OXTR: variants seen among roughly 807,000 people sequenced by gnomAD.
The protein encoded by OXTR is oxytocin receptor.
Under a neutral mutation model 23.9 loss-of-function variants are expected in OXTR, and 19 were observed. The observed-to-expected ratio is 0.80, with a 90% CI of 0.56 to 1.17. OXTR has a LOEUF of 1.17. Among genes scored for constraint, OXTR ranks in the 50% most tolerant of loss-of-function variants. The pLI is 0.00. For missense variants in OXTR, 500 were observed against 550.7 expected (o/e 0.91, Z 0.92); for synonymous variants, 278 against 250.5 (o/e 1.11, Z -1.04).
At chr3:8,742,200 C>A in the OXTR span, among the ~76,000 whole-genome samples, 1 of 152,110 alleles carries the variant, frequency 6.6e-6, no homozygotes, top group Non-Finnish European at 1.5e-5. Context: ...ATGCTCAAAT[C>A]TGAGCTAGGG....
chr3:8,753,372 G>A (rs927775186), intron 3 of OXTR, 148 bp from the exon 4 acceptor site: 1 of 976,112 alleles, frequency 1.0e-6, no homozygotes, highest in Non-Finnish European at 1.5e-6. Context: ...TACTAAAGAG[G>A]CAAAGTTTGT....
the OXTR span, among the ~76,000 whole-genome samples, chr3:8,744,366 C>A: frequency 1.3e-5 from 2 of 151,266 alleles, no homozygotes; most frequent in African/African-American, 4.9e-5. Context: ...GCAAGCCCCG[C>A]CTCCCGGGTT....
chr3:8,749,789 C>T (rs2124991003), downstream of OXTR, among the ~76,000 whole-genome samples: 1 of 152,362 alleles, frequency 6.6e-6, no homozygotes, highest in African/African-American at 2.4e-5. Context: ...CCTCTCTTCT[C>T]CCAGAACCTC....
At position 8,767,705 on chromosome 3, in the gene OXTR, C is replaced by T. The variant is rs757364243; in HGVS notation, c.483G>A (p.Trp161Ter). The T allele has an allele frequency of 1.9e-6, 3 of 1,609,416 alleles. No individual in the cohort carries two copies. Among genetic ancestry groups the T allele is most frequent in the Non-Finnish European group, 2.5e-6 (3 of 1,177,974 alleles). ...GCGCGCTGGCCACCAGGCAGCCGAG[C>T]CACGTGGCGAGCACTGCCAGGCGGT... ...RTDRLAVLAT[W>*]LGCLVASAPQ... is the part of the protein sequence containing the mutation. The change falls in exon 3 of 4, where the codon TGG becomes TGA. Residue 161 changes from tryptophan to a stop codon, truncating the protein, a stop_gained. Transcript: ENST00000316793. LOFTEE classifies it high-confidence loss of function.
Position 8,752,094 on chromosome 3 carries a change from C to G in OXTR, c.*883G>C, listed in dbSNP as rs567052738. 116 of 152,126 alleles carry G rather than the reference C, an allele frequency of 7.6e-4. 2 individuals are homozygous for G. Among genetic ancestry groups the G allele is most frequent in the African/African-American group, 2.8e-3 (115 of 41,510 alleles). The allele number at this position is 152,126 out of a possible 1,614,324, so 9.4% of individuals were successfully genotyped here. Reference sequence around the variant, plus strand: ...TTGTTAAGTTGATTCCTATTTTATTCTTTCTGATGGTATTATAAATGGAAT... The same window carrying G: ...TTGTTAAGTTGATTCCTATTTTATTGTTTCTGATGGTATTATAAATGGAAT... On this transcript the variant is annotated 3_prime_UTR_variant, in exon 4 of 4. Transcript: ENST00000316793.
At chr3:8,746,204 C>T (rs552778803), downstream of OXTR, 64 of 234,624 alleles carry the variant, frequency 2.7e-4, no homozygotes, top group African/African-American at 1.3e-3. Context: ...CCAACCTCTC[C>T]ACGCGCACTC....
At position 8,768,856 on chromosome 3, in the gene OXTR, G is replaced by C. The variant is rs1259436484; in HGVS notation, c.-238-265C>G. ...CCCGTCTAACCCCCTTTTCTAAGAC[G>C]GTCGGCCGTCACTCCCTGAACTTCC... is the stretch of plus-strand genomic sequence containing the variant. On this transcript the variant is annotated intron_variant, in intron 1 of 3. Coordinates refer to ENST00000316793, the MANE Select transcript of OXTR (RefSeq NM_000916.4). The surrounding 1 kb of genome is among the most constrained non-coding windows in gnomAD (Gnocchi z 5.4). Among the ~76,000 whole-genome samples, 2 of 152,242 alleles carry C rather than the reference G, an allele frequency of 1.3e-5. No individual in the cohort carries two copies. The highest frequency in any genetic ancestry group is 1.9e-4 in the East Asian group (1 of 5,158).
chr3:8,754,031 G>A (rs1410106204), intron 3 of OXTR, among the ~76,000 whole-genome samples: 2 of 152,176 alleles, frequency 1.3e-5, no homozygotes, highest in African/African-American at 4.8e-5. Flanking sequence ...GAAACTGTAT[G>A]ACATCTTCAT....
Position 8,750,573 on chromosome 3 carries a change from T to C in OXTR, c.*2404A>G, listed in dbSNP as rs915500024. 1.3e-5 allele frequency: 2 copies of C among 152,248 alleles called. No individual in the cohort carries two copies. Among genetic ancestry groups the C allele is most frequent in the Non-Finnish European group, 2.9e-5 (2 of 68,050 alleles). 9.4% of individuals were successfully genotyped at this position (152,248 alleles called of 1,614,324 possible). On this transcript the variant is annotated 3_prime_UTR_variant, in exon 4 of 4. Transcript: ENST00000316793. Reference sequence around the variant, plus strand: ...GCCTCCAGGCCCTGGCAAACGCTAATCTATATTCACTCTATATAGATTCGT... The same window carrying C: ...GCCTCCAGGCCCTGGCAAACGCTAACCTATATTCACTCTATATAGATTCGT...
Position 8,750,436 on chromosome 3 carries a change from T to C in OXTR, c.*2541A>G, listed in dbSNP as rs200242669. 7 of 152,368 alleles carry C rather than the reference T, an allele frequency of 4.6e-5. No individual in the cohort carries two copies. In the South Asian group the frequency reaches 1.5e-3, roughly 32 times the overall value. The allele number at this position is 152,368 out of a possible 1,614,324, so 9.4% of individuals were successfully genotyped here. ...GTTTATTTTTATTTTTTAAAGTTCA[T>C]TGGTTTTTAGTACATTCTCAAAATC... On this transcript the variant is annotated 3_prime_UTR_variant, in exon 4 of 4. Coordinates refer to ENST00000316793, the MANE Select transcript of OXTR (RefSeq NM_000916.4).
At chr3:8,765,787 C>A (rs1414086944) in intron 3 of OXTR, among the ~76,000 whole-genome samples, 1 of 152,200 alleles carries the variant, frequency 6.6e-6, no homozygotes, top group Non-Finnish European at 1.5e-5. Flanking sequence ...GGTGCAAGTG[C>A]CTTCCCCTCT....
At chr3:8,757,770 G>A (rs376544993) in intron 3 of OXTR, among the ~76,000 whole-genome samples, 9 of 152,302 alleles carry the variant, frequency 5.9e-5, no homozygotes, top group East Asian at 5.8e-4. Context: ...CCCGGACTCC[G>A]CGGGGGCCGC....
chr3:8,756,195 G>GA (rs369973257), intron 3 of OXTR, among the ~76,000 whole-genome samples: 1 of 152,108 alleles, frequency 6.6e-6, no homozygotes, highest in Non-Finnish European at 1.5e-5. Flanking sequence ...ACTTGGAACA[G>GA]AAAAAAGCAT....
intron 3 of OXTR, 107 bp downstream of exon 3, chr3:8,767,159 C>T (rs1708624725): frequency 1.7e-6 from 2 of 1,148,548 alleles, no homozygotes; most frequent in Non-Finnish European, 2.4e-6. Context: ...TTCAAACCCG[C>T]TTATCCCCCA....
At chr3:8,756,366 G>A (rs62243363) in intron 3 of OXTR, among the ~76,000 whole-genome samples, 1 of 152,156 alleles carries the variant, frequency 6.6e-6, no homozygotes, top group Admixed American at 6.5e-5. Context: ...GAGAAGGAGA[G>A]TCACTTCCCC....
chr3:8,767,798 C>T lies in OXTR; in HGVS notation c.390G>A (p.Leu130=). The change falls in exon 3 of 4, where the codon CTG becomes CTA. Residue 130 remains leucine, a synonymous_variant. Transcript: ENST00000316793. ...VVGMFASTYL[L]LLMSLDRCLA... ...GGCAGCGGTCCAGGGACATGAGCAG[C>T]AGCAGGTAGGTGGAGGCGAACATGC... 1 of 1,609,088 alleles carries T rather than the reference C, an allele frequency of 6.2e-7. No homozygotes were observed. The highest frequency in any genetic ancestry group is 8.5e-7 in the Non-Finnish European group (1 of 1,177,902).
chr3:8,764,873 C>T (rs1374257341), intron 3 of OXTR, among the ~76,000 whole-genome samples: 1 of 152,208 alleles, frequency 6.6e-6, no homozygotes, highest in African/African-American at 2.4e-5. Context: ...GTACCTGAGA[C>T]AGAATGCTGA....
At chr3:8,758,869 A>G (rs1427198284) in intron 3 of OXTR, among the ~76,000 whole-genome samples, 1 of 152,198 alleles carries the variant, frequency 6.6e-6, no homozygotes, top group Non-Finnish European at 1.5e-5. Context: ...CTACCCTTCA[A>G]GGAATGACAA....
chr3:8,767,461 C>T lies in OXTR; in HGVS notation c.727G>A (p.Ala243Thr). ...TCGCCAGCCGCCGCGCCCTCTGGCG[C>T]CTCGGCCGCCGCCGCTGCAGCGGTC... ...LKTAAAAAAEAPEGAAAGDGG... is the reference protein window; with the variant it reads ...LKTAAAAAAETPEGAAAGDGG... The change falls in exon 3 of 4, where the codon GCG (alanine) becomes ACG (threonine). Residue 243 changes from alanine to threonine, a missense_variant. Coordinates refer to ENST00000316793, the MANE Select transcript of OXTR (RefSeq NM_000916.4). 1 of 1,600,470 alleles carries T rather than the reference C, an allele frequency of 6.2e-7. No individual in the cohort carries two copies. The highest frequency in any genetic ancestry group is 8.5e-7 in the Non-Finnish European group (1 of 1,173,754).
Sources: gnomAD v4.1 joint callset for allele counts (sites outside exome capture counted in the v4.1 genomes callset) on GRCh38, gnomAD v4.1.1 for gene constraint, Gnocchi (gnomAD v3.1) non-coding constraint, MANE v1.5 for transcripts, NCBI Gene and HGNC (gene_info 2026-07-23, HGNC 2026-07-21) for gene names.